The following PACRG variants were observed in gnomAD, a reference collection of about 807,000 sequenced individuals.
The protein encoded by PACRG is parkin coregulated, also known as parkin coregulated gene protein.
Under a neutral mutation model 29.7 loss-of-function variants are expected in PACRG, and 29 were observed. The observed-to-expected ratio is 0.98, with a 90% CI of 0.73 to 1.33. The LOEUF is 1.33. PACRG is among the 40% of genes most tolerant of loss of function. The pLI, the probability that PACRG is intolerant of heterozygous loss-of-function variation, is 0.00. For synonymous variants in PACRG, 116 were observed against 118.7 expected (o/e 0.98, Z 0.15); for missense variants, 279 against 316.2 (o/e 0.88, Z 0.89).
chr6:163,052,897 C>G (rs1810167082), intron 2 of PACRG, among the ~76,000 whole-genome samples: 1 of 151,956 alleles, frequency 6.6e-6, no homozygotes, highest in Admixed American at 6.6e-5. Flanking sequence ...ACTATGTGAT[C>G]TTTAAAAAGT....
At position 162,926,106 on chromosome 6, in the gene PACRG, A is replaced by C. The variant is rs150667634; in HGVS notation, c.291+111825A>C. 7.6e-3 allele frequency among the ~76,000 whole-genome samples: 1,160 copies of C among 152,268 alleles called. 27 individuals are homozygous for C. Among genetic ancestry groups the C allele is most frequent in the African/African-American group, 0.026 (1,099 of 41,556 alleles). On this transcript the variant is annotated intron_variant, in intron 2 of 4. Coordinates refer to ENST00000366888, the MANE Select transcript of PACRG (RefSeq NM_001080379.2). ...GGAATACAGCTAGCAAGGGATGTGA[A>C]GGACCTCTTCAAGGAGGACTACAAG...
chr6:162,745,423 T>C (rs911239376), intron 1 of PACRG, among the ~76,000 whole-genome samples: 13 of 151,990 alleles, frequency 8.6e-5, no homozygotes, highest in Admixed American at 8.5e-4. Flanking sequence ...TCAGGACAAA[T>C]AGCTAATGCA....
intron 2 of PACRG, among the ~76,000 whole-genome samples, chr6:162,871,639 C>A (rs1309949761): frequency 6.6e-6 from 1 of 151,906 alleles, no homozygotes; most frequent in Non-Finnish European, 1.5e-5. Flanking sequence ...TACTTCTCGG[C>A]TGGGCGCGGT....
chr6:163,268,587 G>A (rs1783623644), intron 4 of PACRG, among the ~76,000 whole-genome samples: 3 of 152,038 alleles, frequency 2.0e-5, no homozygotes, highest in African/African-American at 7.2e-5. Flanking sequence ...TCAGTTTGCT[G>A]TTCATACTTT....
intron 1 of PACRG, among the ~76,000 whole-genome samples, chr6:162,797,374 C>T (rs952985830): frequency 6.6e-6 from 1 of 152,144 alleles, no homozygotes; most frequent in African/African-American, 2.4e-5. Context: ...CCTTGGCAAA[C>T]CTTTTCTTAT....
rs1236694816 is a variant in PACRG at position 162,787,392 on chromosome 6, A to T, written c.157-26755A>T. Among the ~76,000 whole-genome samples, 4 of 151,676 alleles carry T rather than the reference A, an allele frequency of 2.6e-5. No homozygotes were observed. In the East Asian group the frequency reaches 7.7e-4, roughly 29 times the overall value. On this transcript the variant is annotated intron_variant, in intron 1 of 4. Transcript: ENST00000366888. The stretch of plus-strand genomic sequence containing the variant: ...ATTTCTCCAAACATGTAAAAAAACT[A>T]GCAGGGGGTCTCACATATATGTGTA...
intron 4 of PACRG, among the ~76,000 whole-genome samples, chr6:163,197,453 T>TTCTTTTCTTTTCTTTTCTTTTCTTTTC (rs1562959318): frequency 1.4e-5 from 2 of 141,826 alleles, no homozygotes; most frequent in African/African-American, 5.4e-5. Context: ...TTTTTTTTTT[T>TTCTTTTCTTTTCTTTTCTTTTCTTTTC]TTTTTTGTGA....
intron 4 of PACRG, among the ~76,000 whole-genome samples, chr6:163,189,166 C>T (rs1475208606): frequency 6.6e-6 from 1 of 152,226 alleles, no homozygotes; most frequent in Non-Finnish European, 1.5e-5. Context: ...ATGATCAAAG[C>T]AGGCATCATC....
intron 4 of PACRG, among the ~76,000 whole-genome samples, chr6:163,099,089 G>A (rs1487789227): frequency 1.3e-5 from 2 of 152,174 alleles, no homozygotes; most frequent in East Asian, 1.9e-4. Context: ...AGCCCAGTGG[G>A]TCCCAGCTTC....
chr6:162,992,855 C>T (rs528091425), intron 2 of PACRG, among the ~76,000 whole-genome samples: 9,543 of 148,886 alleles, frequency 0.064, 783 homozygotes, highest in African/African-American at 0.19. Context: ...TTGGATCTTT[C>T]CTGCTTTCTC....
At chr6:163,233,305 G>T (rs934889546) in intron 4 of PACRG, among the ~76,000 whole-genome samples, 2 of 152,152 alleles carry the variant, frequency 1.3e-5, no homozygotes, top group African/African-American at 2.4e-5. Flanking sequence ...ACTGATTGAT[G>T]AACAAAAAGT....
chr6:163,239,714 G>A (rs564349218), intron 4 of PACRG, among the ~76,000 whole-genome samples: 31 of 94,264 alleles, frequency 3.3e-4, no homozygotes, highest in South Asian at 3.1e-3. Flanking sequence ...ACACACACAC[G>A]CACACTCCCA....
At chr6:163,045,486 G>A (rs1013677580) in intron 2 of PACRG, among the ~76,000 whole-genome samples, 1 of 151,472 alleles carries the variant, frequency 6.6e-6, no homozygotes, top group Non-Finnish European at 1.5e-5. Context: ...CAACACGCCC[G>A]GCTAATTTTT....
chr6:163,073,843 A>T lies in PACRG; in HGVS notation c.463+11522A>T, dbSNP rs573471763. Among the ~76,000 whole-genome samples the T allele has an allele frequency of 3.9e-5, 6 of 152,374 alleles. No homozygotes were observed. The South Asian group carries it at 1.2e-3, about 32-fold the overall frequency. ...GGCATATGAAAAGGTTCTCGACATA[A>T]TTGATCATCAGAGAAATGCAAATCA... On this transcript the variant is annotated intron_variant, in intron 3 of 4. Coordinates refer to ENST00000366888, the MANE Select transcript of PACRG (RefSeq NM_001080379.2).
chr6:163,276,015 CT>C (rs1784012630), intron 4 of PACRG, among the ~76,000 whole-genome samples: 1 of 143,158 alleles, frequency 7.0e-6, no homozygotes, highest in African/African-American at 2.7e-5. Context: ...TTCCTTCTTT[CT>C]TTCTTTCTTT....
chr6:162,985,434 A>G (rs777970268), intron 2 of PACRG, among the ~76,000 whole-genome samples: 3 of 152,096 alleles, frequency 2.0e-5, no homozygotes, highest in Non-Finnish European at 4.4e-5. Flanking sequence ...AAACCACATA[A>G]ACGGAATTAA....
chr6:162,737,450 A>G (rs1215500163), intron 1 of PACRG, among the ~76,000 whole-genome samples: 1 of 152,228 alleles, frequency 6.6e-6, no homozygotes, highest in Non-Finnish European at 1.5e-5. Context: ...ACTATTTTCT[A>G]GATGGCTACT....
chr6:163,103,444 G>C (rs1815212065), intron 4 of PACRG, among the ~76,000 whole-genome samples: 1 of 152,036 alleles, frequency 6.6e-6, no homozygotes, highest in African/African-American at 2.4e-5. Context: ...TGCTTTCAAG[G>C]GCTCGTGTGA....
At chr6:162,820,201 C>A (rs980925890) in intron 2 of PACRG, among the ~76,000 whole-genome samples, 3 of 152,272 alleles carry the variant, frequency 2.0e-5, no homozygotes, top group East Asian at 3.9e-4. Flanking sequence ...ATGCATAAAT[C>A]AGCCTTTATA....
Sources: gnomAD v4.1 joint callset for allele counts (sites outside exome capture counted in the v4.1 genomes callset) on GRCh38, gnomAD v4.1.1 for gene constraint, MANE v1.5 for transcripts, NCBI Gene and HGNC (gene_info 2026-07-23, HGNC 2026-07-21) for gene names.